CACNA2D3: variants seen among roughly 807,000 people sequenced by gnomAD.
CACNA2D3 encodes voltage-dependent calcium channel subunit alpha-2/delta-3.
Under a neutral mutation model 160.6 loss-of-function variants are expected in CACNA2D3, and 60 were observed. The observed-to-expected ratio is 0.37, with a 90% confidence interval of 0.30 to 0.46. CACNA2D3 has a LOEUF of 0.46. CACNA2D3 is among the 20% of genes least tolerant of loss of function. The probability of loss-of-function intolerance (pLI) is 1.00; values close to 1 mark genes in which losing one functional copy is unlikely to be tolerated. For synonymous variants in CACNA2D3, 558 were observed against 492.9 expected (o/e 1.13, Z -1.75); for missense variants, 1,205 against 1,365.0 (o/e 0.88, Z 1.85).
intron 35 of CACNA2D3, among the ~76,000 whole-genome samples, chr3:55,029,574 T>A (rs923300723): frequency 9.5e-6 from 1 of 105,474 alleles, no homozygotes; most frequent in Non-Finnish European, 2.2e-5. Context: ...GATGGTGAGG[T>A]TTTTTTTGCT....
intron 13 of CACNA2D3, among the ~76,000 whole-genome samples, chr3:54,797,060 A>G (rs1426367374): frequency 1.3e-5 from 2 of 152,192 alleles, no homozygotes; most frequent in East Asian, 1.9e-4. Flanking sequence ...TCATCTTTCA[A>G]GTGACCCTAG....
At chr3:54,260,002 A>T (rs1702374272) in intron 2 of CACNA2D3, among the ~76,000 whole-genome samples, 1 of 152,218 alleles carries the variant, frequency 6.6e-6, no homozygotes, top group Non-Finnish European at 1.5e-5. Context: ...GGAATTCAGA[A>T]TCTTTAGCCC....
At chr3:54,281,231 G>T (rs1451246095) in intron 2 of CACNA2D3, among the ~76,000 whole-genome samples, 1 of 152,222 alleles carries the variant, frequency 6.6e-6, no homozygotes, top group East Asian at 1.9e-4. Flanking sequence ...ACAGTATCAG[G>T]AACAGGGCCC....
chr3:55,019,475 A>G (rs1575438165), intron 35 of CACNA2D3, among the ~76,000 whole-genome samples: 1 of 152,036 alleles, frequency 6.6e-6, no homozygotes, highest in Non-Finnish European at 1.5e-5. Context: ...TTTTAATACA[A>G]TTTTATAACT....
intron 17 of CACNA2D3, among the ~76,000 whole-genome samples, chr3:54,854,098 G>T (rs971566236): frequency 5.3e-5 from 8 of 152,308 alleles, no homozygotes; most frequent in African/African-American, 1.9e-4. Flanking sequence ...TGCAACCTAG[G>T]CCTGGTCTGA....
intron 11 of CACNA2D3, among the ~76,000 whole-genome samples, chr3:54,677,666 T>A (rs1700269018): frequency 6.6e-6 from 1 of 151,516 alleles, no homozygotes; most frequent in African/African-American, 2.4e-5. Flanking sequence ...CTCCCAGGAA[T>A]ATGTTACAAA....
intron 2 of CACNA2D3, among the ~76,000 whole-genome samples, chr3:54,151,296 C>T (rs543163108): frequency 1.9e-4 from 27 of 142,482 alleles, no homozygotes; most frequent in Admixed American, 1.2e-3. Context: ...GATGTAGGGA[C>T]GGATAATGGA....
intron 10 of CACNA2D3, chr3:54,639,860 A>AG (rs1449057333): frequency 6.5e-6 from 1 of 152,716 alleles, no homozygotes; most frequent in African/African-American, 2.4e-5. Flanking sequence ...GAGTCAGCGA[A>AG]GGGAGATAAG....
At chr3:54,525,107 T>A in intron 5 of CACNA2D3, among the ~76,000 whole-genome samples, 1 of 152,280 alleles carries the variant, frequency 6.6e-6, no homozygotes, top group Admixed American at 6.5e-5. Flanking sequence ...ATGGCATATA[T>A]GTTTTAGTTC....
intron 4 of CACNA2D3, among the ~76,000 whole-genome samples, chr3:54,444,144 C>T (rs1700185555): frequency 6.6e-6 from 1 of 152,180 alleles, no homozygotes; most frequent in Non-Finnish European, 1.5e-5. Context: ...CAGTGAATTT[C>T]CTTGGTTGAA....
chr3:54,605,770 G>A (rs1465047186), intron 9 of CACNA2D3, among the ~76,000 whole-genome samples: 1 of 152,128 alleles, frequency 6.6e-6, no homozygotes, highest in East Asian at 1.9e-4. Flanking sequence ...GTGAATCCTA[G>A]TGCACGTCAG....
intron 29 of CACNA2D3, among the ~76,000 whole-genome samples, chr3:54,982,872 C>T (rs186871813): frequency 4.9e-4 from 75 of 152,204 alleles, no homozygotes; most frequent in African/African-American, 1.6e-3. Context: ...TCACACTCAT[C>T]GCCACTTTGG....
At chr3:54,219,779 A>T (rs936383806) in intron 2 of CACNA2D3, among the ~76,000 whole-genome samples, 1 of 151,874 alleles carries the variant, frequency 6.6e-6, no homozygotes, top group Non-Finnish European at 1.5e-5. Flanking sequence ...TGTGTGGTGG[A>T]TTTAGTCCTG....
intron 2 of CACNA2D3, among the ~76,000 whole-genome samples, chr3:54,304,428 A>G (rs1416624917): frequency 6.6e-6 from 1 of 152,160 alleles, no homozygotes; most frequent in African/African-American, 2.4e-5. Context: ...TAGGGAAATA[A>G]ATTGAAAATA....
At chr3:54,564,459 G>A (rs1244661126) in intron 6 of CACNA2D3, among the ~76,000 whole-genome samples, 1 of 152,154 alleles carries the variant, frequency 6.6e-6, no homozygotes, top group Non-Finnish European at 1.5e-5. Flanking sequence ...GTCCACCAAG[G>A]TGTTTCAATG....
intron 5 of CACNA2D3, among the ~76,000 whole-genome samples, chr3:54,531,472 C>T (rs1390093998): frequency 6.6e-6 from 1 of 152,204 alleles, no homozygotes; most frequent in Non-Finnish European, 1.5e-5. Context: ...CCTCTATACC[C>T]TCAGAAGATT....
intron 13 of CACNA2D3, among the ~76,000 whole-genome samples, chr3:54,785,845 C>T (rs1279345532): frequency 1.3e-5 from 2 of 152,210 alleles, no homozygotes; most frequent in African/African-American, 2.4e-5. Context: ...TCTCAGTATA[C>T]ATCTCATATA....
chr3:54,555,038 C>G (rs1321843792), intron 5 of CACNA2D3, among the ~76,000 whole-genome samples: 1 of 151,916 alleles, frequency 6.6e-6, no homozygotes, highest in African/African-American at 2.4e-5. Context: ...CCCCGCCTAT[C>G]TACTGTTTTG....
chr3:54,886,935 C>CTTTTTTTTTTTTTTTTTTTTTTTT (rs60899252), intron 23 of CACNA2D3, among the ~76,000 whole-genome samples: 2 of 107,748 alleles, frequency 1.9e-5, no homozygotes, highest in Admixed American at 1.2e-4. Flanking sequence ...CAGCAAAGCT[C>CTTTTTTTTTTTTTTTTTTTTTTTT]TTTTTTTTTT....
Sources: allele counts gnomAD v4.1 joint callset (sites outside exome capture counted in the v4.1 genomes callset), GRCh38; gene constraint gnomAD v4.1.1; transcripts MANE v1.5; gene names NCBI Gene and HGNC (gene_info 2026-07-23, HGNC 2026-07-21).